The following VPS50 variants were observed in gnomAD, a reference collection of about 807,000 sequenced individuals.
VPS50 encodes the protein VPS50 subunit of EARP/GARPII complex.
VPS50 carries 70 observed loss-of-function variants against 139.7 expected under a neutral mutation model. That is an observed-to-expected ratio of 0.50 (90% CI 0.41 to 0.61). The LOEUF (loss-of-function observed/expected upper bound fraction) is 0.61. VPS50 is among the 20% of genes least tolerant of loss of function. The pLI, the probability that VPS50 is intolerant of heterozygous loss-of-function variation, is 0.00. For missense variants in VPS50, 921 were observed against 1,133.7 expected (o/e 0.81, Z 2.69); for synonymous variants, 365 against 376.7 (o/e 0.97, Z 0.36).
intron 12 of VPS50, among the ~76,000 whole-genome samples, chr7:93,288,797 G>GT (rs1796565879): frequency 6.6e-6 from 1 of 152,132 alleles, no homozygotes; most frequent in African/African-American, 2.4e-5. Context: ...GAGGGAAGGG[G>GT]TTGAGCAGGG....
At chr7:93,353,513 A>G (rs1348292485) in intron 25 of VPS50, 127 bp from the exon 26 acceptor site, 20 of 1,018,584 alleles carry the variant, frequency 2.0e-5, no homozygotes, top group Non-Finnish European at 2.8e-5. Flanking sequence ...CTTTGGCATT[A>G]TCTTTTTTGA....
intron 1 of VPS50, among the ~76,000 whole-genome samples, chr7:93,238,136 G>T (rs1376476645): frequency 6.6e-6 from 1 of 152,172 alleles, no homozygotes; most frequent in Non-Finnish European, 1.5e-5. Context: ...GTATATAGAA[G>T]TGTAGTTTGG....
chr7:93,285,817 C>T lies in VPS50; in HGVS notation c.943-5886C>T, dbSNP rs573086284. On this transcript the variant is annotated intron_variant, in intron 12 of 27. Coordinates refer to ENST00000305866, the MANE Select transcript of VPS50 (RefSeq NM_017667.4). ...AATTGGATTAAGGAATGAATTGTGG[C>T]GTTGGAATGTGAAGCATAGTGGAAA... Among the ~76,000 whole-genome samples the T allele has an allele frequency of 3.3e-5, 5 of 152,238 alleles. No individual in the cohort carries two copies. The South Asian group carries it at 8.3e-4, about 25-fold the overall frequency.
At chr7:93,339,346 A>G (rs568760377) in intron 22 of VPS50, among the ~76,000 whole-genome samples, 1 of 150,600 alleles carries the variant, frequency 6.6e-6, no homozygotes, top group East Asian at 2.0e-4. Flanking sequence ...AAAAAAAAAC[A>G]GAACTAAAGA....
chr7:93,327,544 A>G (rs1182187363), intron 21 of VPS50, among the ~76,000 whole-genome samples: 3 of 152,172 alleles, frequency 2.0e-5, no homozygotes, highest in Non-Finnish European at 2.9e-5. Flanking sequence ...ATTTGATTTA[A>G]GGTTTGTTAT....
At chr7:93,242,938 G>C (rs1397003767) in intron 2 of VPS50, among the ~76,000 whole-genome samples, 1 of 151,938 alleles carries the variant, frequency 6.6e-6, no homozygotes, top group Non-Finnish European at 1.5e-5. Context: ...CTAGAAAAAG[G>C]AGGGTAGTGA....
At chr7:93,319,788 C>G (rs567554440) in intron 20 of VPS50, among the ~76,000 whole-genome samples, 1 of 152,210 alleles carries the variant, frequency 6.6e-6, no homozygotes, top group Non-Finnish European at 1.5e-5. Flanking sequence ...CTTTTTAAAA[C>G]AATTTCCTCC....
Position 93,352,487 on chromosome 7 carries a change from CAGATT to C in VPS50, c.2464-1147_2464-1143del, listed in dbSNP as rs573562020. On this transcript the variant is annotated intron_variant, in intron 25 of 27. Coordinates refer to ENST00000305866, the MANE Select transcript of VPS50 (RefSeq NM_017667.4). Reference sequence around the variant, plus strand: ...AGTTGTCATTAGCCTGAGTGGTGATCAGATTAGATTTTTTCTCCTGTGTATTATTA... The same window carrying C: ...AGTTGTCATTAGCCTGAGTGGTGATCAGATTTTTTCTCCTGTGTATTATTA... Among the ~76,000 whole-genome samples the C allele has an allele frequency of 9.2e-5, 14 of 152,244 alleles. No homozygotes were observed. In the South Asian group the frequency reaches 1.9e-3, roughly 20 times the overall value.
rs553209538 is a variant in VPS50 at position 93,315,743 on chromosome 7, A to G, written c.1855+4471A>G. Among the ~76,000 whole-genome samples, 6 of 152,270 alleles carry G rather than the reference A, an allele frequency of 3.9e-5. No homozygotes were observed. In the East Asian group the frequency reaches 1.2e-3, roughly 29 times the overall value. ...ATTCATATCCACTGCTCATTTTTAT[A>G]TAATAAGGAAATTATAGGTTTTAAT... is the stretch of plus-strand genomic sequence containing the variant. On this transcript the variant is annotated intron_variant, in intron 20 of 27. Transcript: ENST00000305866.
At position 93,303,416 on chromosome 7, in the gene VPS50, ACTTTT is replaced by A. The variant is rs762970001; in HGVS notation, c.1362-40_1362-36del. The stretch of plus-strand genomic sequence containing the variant: ...TTTCCTCAATTCTTGTGTGCGGTGT[ACTTTT>A]CTTCTCACTTTTTGGAGTGTTCATT... On this transcript the variant is annotated intron_variant, in intron 16 of 27. Coordinates refer to ENST00000305866, the MANE Select transcript of VPS50 (RefSeq NM_017667.4). The A allele has an allele frequency of 2.1e-5, 17 of 804,074 alleles. No individual in the cohort carries two copies. In the African/African-American group the frequency reaches 2.9e-4, roughly 14 times the overall value. The allele number at this position is 804,074 out of a possible 1,614,324, so 49.8% of individuals were successfully genotyped here.
intron 19 of VPS50, among the ~76,000 whole-genome samples, chr7:93,310,914 G>A (rs1246679923): frequency 6.6e-6 from 1 of 152,042 alleles, no homozygotes; most frequent in East Asian, 1.9e-4. Flanking sequence ...GTTTTTTAAA[G>A]AGATGTAGCT....
At chr7:93,309,260 A>G (rs774480209) in intron 19 of VPS50, among the ~76,000 whole-genome samples, 7 of 151,964 alleles carry the variant, frequency 4.6e-5, no homozygotes, top group Non-Finnish European at 8.8e-5. Flanking sequence ...AAAGAAATTG[A>G]TTTAGCCATT....
Position 93,283,543 on chromosome 7 carries a change from C to CTTTTCTTACTCAGTCGTCAG in VPS50, c.942+7254_942+7273dup, listed in dbSNP as rs1382171047. On this transcript the variant is annotated intron_variant, in intron 12 of 27. Coordinates refer to ENST00000305866, the MANE Select transcript of VPS50 (RefSeq NM_017667.4). ...GAGCCACCGCGCCTGGCCTACTGAG[C>CTTTTCTTACTCAGTCGTCAG]TTTTCTTACTCAGTCGTCAGTTTTC... 2.6e-5 allele frequency among the ~76,000 whole-genome samples: 4 copies of CTTTTCTTACTCAGTCGTCAG among 152,130 alleles called. No homozygotes were observed. The South Asian group carries it at 8.3e-4, about 32-fold the overall frequency.
At chr7:93,299,554 C>T (rs1391854945) in intron 16 of VPS50, among the ~76,000 whole-genome samples, 1 of 152,076 alleles carries the variant, frequency 6.6e-6, no homozygotes, top group African/African-American at 2.4e-5. Flanking sequence ...CCAAATTATT[C>T]TGACTTTCAA....
At position 93,324,803 on chromosome 7, in the gene VPS50, G is replaced by C. The variant is rs1219746192; in HGVS notation, c.1977+1071G>C. ...TCAATGAAATAAAAGAGGATACAAA[G>C]AAATGGAAAAACATTCCATGCTCAT... is the stretch of plus-strand genomic sequence containing the variant. On this transcript the variant is annotated intron_variant, in intron 21 of 27. Coordinates refer to ENST00000305866, the MANE Select transcript of VPS50 (RefSeq NM_017667.4). Among the ~76,000 whole-genome samples the C allele has an allele frequency of 2.6e-5, 4 of 152,044 alleles. No homozygotes were observed. In the East Asian group the frequency reaches 7.7e-4, roughly 29 times the overall value.
chr7:93,341,621 CT>C, intron 23 of VPS50, 46 bp downstream of exon 23: 1 of 1,384,832 alleles, frequency 7.2e-7, no homozygotes, highest in Non-Finnish European at 9.9e-7. Flanking sequence ...ATTTAAGAAA[CT>C]TTATAAAAGA....
At chr7:93,254,052 T>C (rs1038661453) in intron 4 of VPS50, 121 bp downstream of exon 4, 1 of 512,100 alleles carries the variant, frequency 2.0e-6, no homozygotes, top group Non-Finnish European at 3.5e-6. Flanking sequence ...AATCTTGTTA[T>C]TTAACATGAC....
chr7:93,325,715 A>G (rs1160201499), intron 21 of VPS50, among the ~76,000 whole-genome samples: 1 of 152,070 alleles, frequency 6.6e-6, no homozygotes, highest in Non-Finnish European at 1.5e-5. Flanking sequence ...ATCACTGGAC[A>G]TCAGAGAAAT....
chr7:93,289,790 G>A (rs945480661), intron 12 of VPS50, among the ~76,000 whole-genome samples: 3 of 151,918 alleles, frequency 2.0e-5, no homozygotes, highest in African/African-American at 4.8e-5. Flanking sequence ...AGTGATGTGC[G>A]ATGCCATCTT....
Sources: gnomAD v4.1 joint callset for allele counts (sites outside exome capture counted in the v4.1 genomes callset) on GRCh38, gnomAD v4.1.1 for gene constraint, MANE v1.5 for transcripts, NCBI Gene and HGNC (gene_info 2026-07-23, HGNC 2026-07-21) for gene names.